Variants in NKAIN2 observed in about 807,000 individuals in gnomAD.
NKAIN2 encodes the protein sodium/potassium transporting ATPase interacting 2.
A neutral mutation model predicts 32.6 loss-of-function variants in NKAIN2; 14 were observed. The ratio of observed to expected loss-of-function variants is 0.43; its 90% CI spans 0.28 to 0.67. The LOEUF (loss-of-function observed/expected upper bound fraction) is 0.67, where lower values mean the gene tolerates loss of function less well. Among genes scored for constraint, NKAIN2 ranks in the 30% least tolerant of loss-of-function variants. The pLI is 0.17. For missense variants in NKAIN2, 198 were observed against 258.3 expected (o/e 0.77, Z 1.60); for synonymous variants, 80 against 87.2 (o/e 0.92, Z 0.46).
At chr6:124,533,289 G>A (rs953657395) in intron 3 of NKAIN2, among the ~76,000 whole-genome samples, 26 of 151,892 alleles carry the variant, frequency 1.7e-4, no homozygotes, top group African/African-American at 6.3e-4. Context: ...GACTAACACG[G>A]TGAAACCCCG....
intron 3 of NKAIN2, among the ~76,000 whole-genome samples, chr6:124,486,232 C>G (rs1449282703): frequency 1.3e-5 from 2 of 152,222 alleles, no homozygotes; most frequent in Admixed American, 1.3e-4. Context: ...CGTCTGTCTC[C>G]TCAACAACAG....
chr6:124,096,328 A>C (rs915513513), intron 1 of NKAIN2, among the ~76,000 whole-genome samples: 3 of 152,158 alleles, frequency 2.0e-5, no homozygotes, highest in African/African-American at 4.8e-5. Context: ...GAAAAAAATT[A>C]TCTCTCAAAT....
chr6:124,502,728 T>A (rs746188549), intron 3 of NKAIN2, among the ~76,000 whole-genome samples: 2 of 152,222 alleles, frequency 1.3e-5, no homozygotes, highest in East Asian at 3.8e-4. Context: ...TCTTTATTAA[T>A]CCATTATTTT....
chr6:124,115,452 G>A (rs1785564406), intron 1 of NKAIN2, among the ~76,000 whole-genome samples: 1 of 151,998 alleles, frequency 6.6e-6, no homozygotes, highest in African/African-American at 2.4e-5. Context: ...CTTATCACAT[G>A]ACTATAGTGT....
rs146265184 is a variant in NKAIN2, at chr6:124,134,849, A to T, written c.55-148156A>T. Among the ~76,000 whole-genome samples, 447 of 152,326 alleles carry T rather than the reference A, an allele frequency of 2.9e-3. 3 individuals carry two copies. Among genetic ancestry groups the T allele is most frequent in the African/African-American group, 0.01 (421 of 41,582 alleles). ...CACCTAGGCATATAGACATCAGGTT[A>T]TCTAAAGTCAAGATGAAGGAAAAAA... On this transcript the variant is annotated intron_variant, in intron 1 of 6. Transcript: ENST00000368417.
chr6:124,360,077 A>T (rs2114268456), intron 3 of NKAIN2, among the ~76,000 whole-genome samples: 1 of 152,276 alleles, frequency 6.6e-6, no homozygotes, highest in Admixed American at 6.5e-5. Flanking sequence ...GATTACGTAT[A>T]TTGATTTGCG....
chr6:124,736,413 A>G (rs1361126), intron 4 of NKAIN2, among the ~76,000 whole-genome samples: 62,428 of 151,770 alleles, frequency 0.41, 13,573 homozygotes, highest in Non-Finnish European at 0.5. Flanking sequence ...GAAGGTGGCT[A>G]CCCTAAACAA....
At chr6:124,715,849 T>C (rs1775726541) in intron 4 of NKAIN2, among the ~76,000 whole-genome samples, 1 of 152,224 alleles carries the variant, frequency 6.6e-6, no homozygotes, top group Non-Finnish European at 1.5e-5. Context: ...GCGAATGCTC[T>C]AGTGCCATTT....
rs372812016 is a variant in NKAIN2 at position 124,753,799 on chromosome 6, G to C, written c.475-37540G>C. ...AGGGAGGTGTAATTGGGGTTAATGG[G>C]ATAAAATTAAGCACAGAAAAATTCA... On this transcript the variant is annotated intron_variant, in intron 4 of 6. Transcript: ENST00000368417. Among the ~76,000 whole-genome samples, 7 of 151,950 alleles carry C rather than the reference G, an allele frequency of 4.6e-5. No individual in the cohort carries two copies. In the East Asian group the frequency reaches 7.8e-4, roughly 17 times the overall value.
At chr6:123,890,326 A>T (rs1165409891) in intron 1 of NKAIN2, among the ~76,000 whole-genome samples, 1 of 151,900 alleles carries the variant, frequency 6.6e-6, no homozygotes, top group Non-Finnish European at 1.5e-5. Flanking sequence ...AGGACAGCAC[A>T]TTCTCTATTT....
chr6:124,291,948 A>G (rs1325065843), intron 2 of NKAIN2, among the ~76,000 whole-genome samples: 1 of 152,000 alleles, frequency 6.6e-6, no homozygotes, highest in Non-Finnish European at 1.5e-5. Flanking sequence ...TCAAACCTTC[A>G]GAGGGAAAGT....
Position 124,808,230 on chromosome 6 carries a change from C to T in NKAIN2, c.536-10157C>T, listed in dbSNP as rs555885164. 4.7e-4 allele frequency among the ~76,000 whole-genome samples: 71 copies of T among 151,482 alleles called. No homozygotes were observed. In the South Asian group the frequency reaches 6.8e-3, roughly 14 times the overall value. On this transcript the variant is annotated intron_variant, in intron 5 of 6. Transcript: ENST00000368417. ...CCTTGATGAACATTGATGCAAAAAT[C>T]CTCAATAAAATACTGGCAAACTGAA...
intron 2 of NKAIN2, among the ~76,000 whole-genome samples, chr6:124,352,773 T>C (rs1798789901): frequency 6.6e-6 from 1 of 152,216 alleles, no homozygotes; most frequent in Non-Finnish European, 1.5e-5. Flanking sequence ...CAAACTTAAA[T>C]GTCTCCTTAG....
chr6:123,932,609 G>A (rs988032703), intron 1 of NKAIN2, among the ~76,000 whole-genome samples: 3 of 151,664 alleles, frequency 2.0e-5, no homozygotes, highest in African/African-American at 7.3e-5. Context: ...AGTAGAGACG[G>A]GGTTTCACCG....
intron 5 of NKAIN2, among the ~76,000 whole-genome samples, chr6:124,801,865 G>A (rs536155853): frequency 1.3e-5 from 2 of 152,248 alleles, no homozygotes; most frequent in African/African-American, 2.4e-5. Context: ...AGACAGGCAC[G>A]CCTTTTTTAA....
intron 1 of NKAIN2, among the ~76,000 whole-genome samples, chr6:123,824,058 G>A (rs1359881749): frequency 6.6e-6 from 1 of 152,162 alleles, no homozygotes; most frequent in Non-Finnish European, 1.5e-5. Flanking sequence ...TACTTTGTCT[G>A]TAACTAATAG....
chr6:124,625,728 A>T (rs565276120), intron 3 of NKAIN2, among the ~76,000 whole-genome samples: 57 of 127,736 alleles, frequency 4.5e-4, no homozygotes, highest in South Asian at 3.4e-3. Context: ...TTATTTATTT[A>T]TTTTTTGGTC....
intron 3 of NKAIN2, among the ~76,000 whole-genome samples, chr6:124,474,591 A>G (rs1252849350): frequency 6.6e-6 from 1 of 151,992 alleles, no homozygotes. Context: ...AAAATGCAAA[A>G]ACCAAATATT....
intron 3 of NKAIN2, among the ~76,000 whole-genome samples, chr6:124,411,544 G>C (rs1278609909): frequency 6.6e-6 from 1 of 152,246 alleles, no homozygotes; most frequent in Non-Finnish European, 1.5e-5. Context: ...TTTCTGCTGA[G>C]AGATCAGCTG....
Sources: gnomAD v4.1 joint callset for allele counts (sites outside exome capture counted in the v4.1 genomes callset) on GRCh38, gnomAD v4.1.1 for gene constraint, MANE v1.5 for transcripts, NCBI Gene and HGNC (gene_info 2026-07-23, HGNC 2026-07-21) for gene names.